The following NXPH4 variants were observed in gnomAD, a reference collection of about 807,000 sequenced individuals.
The protein encoded by NXPH4 is neurexophilin 4, also known as neurexophilin-4.
Under a neutral mutation model 21.3 loss-of-function variants are expected in NXPH4, and 8 were observed. That is an observed-to-expected ratio of 0.38 (90% CI 0.22 to 0.68). The LOEUF (loss-of-function observed/expected upper bound fraction) is 0.68, where lower values mean the gene tolerates loss of function less well. Among genes scored for constraint, NXPH4 ranks in the 30% least tolerant of loss-of-function variants. NXPH4 has a pLI of 0.53. For missense variants in NXPH4, 418 were observed against 416.8 expected (o/e 1.00, Z -0.03); for synonymous variants, 219 against 192.6 (o/e 1.14, Z -1.13).
In NXPH4 at chr12:57,225,723, G is replaced by A; in HGVS notation, c.903G>A (p.Gln301=). 4.3e-6 allele frequency: 7 copies of A among 1,613,158 alleles called. No individual in the cohort carries two copies. Among genetic ancestry groups the A allele is most frequent in the Non-Finnish European group, 5.9e-6 (7 of 1,179,578 alleles). The change falls in exon 2 of 2, where the codon CAG becomes CAA. Residue 301 remains glutamine (Q), a synonymous_variant. Coordinates refer to ENST00000349394, the MANE Select transcript of NXPH4 (RefSeq NM_007224.4). The stretch of plus-strand genomic sequence containing the variant: ...AGGTGTGCCCAGACTATAACTTCCA[G>A]AGTGAGCACCCCTACTTCGGATAGC... ...VQKVCPDYNF[Q]SEHPYFG is the part of the protein sequence containing the mutation.
chr12:57,220,161 G>A (rs1369506273), intron 1 of NXPH4, among the ~76,000 whole-genome samples: 1 of 152,164 alleles, frequency 6.6e-6, no homozygotes, highest in Non-Finnish European at 1.5e-5. Flanking sequence ...GCGTGGGGTG[G>A]GAAGCAGCTG....
At chr12:57,218,940 G>C (rs2136766566) in intron 1 of NXPH4, among the ~76,000 whole-genome samples, 1 of 151,266 alleles carries the variant, frequency 6.6e-6, no homozygotes, top group East Asian at 2.0e-4. Flanking sequence ...CCCATGTGTT[G>C]TCTGTATGAG....
Position 57,225,145 on chromosome 12 carries a change from G to A in NXPH4, c.325G>A (p.Gly109Arg). 2.5e-6 allele frequency: 4 copies of A among 1,569,476 alleles called. No homozygotes were observed. Among genetic ancestry groups the A allele is most frequent in the Non-Finnish European group, 3.5e-6 (4 of 1,157,984 alleles). ...GCGCGCCAAAAAGATCTTCGGCTGG[G>A]GGGACTTCTACTTTCGGGTGCATAC... is the stretch of plus-strand genomic sequence containing the variant. ...AARAKKIFGW[G>R]DFYFRVHTLK... The change falls in exon 2 of 2, where the codon GGG becomes AGG. Residue 109 changes from glycine to arginine, a missense_variant. Transcript: ENST00000349394.
chr12:57,217,057 G>A (rs1032782758), intron 1 of NXPH4, 31 bp downstream of exon 1: 2 of 1,573,686 alleles, frequency 1.3e-6, no homozygotes, highest in Non-Finnish European at 1.7e-6. Flanking sequence ...GCGCTAGCGC[G>A]GGCGCGGGGT....
intron 1 of NXPH4, among the ~76,000 whole-genome samples, chr12:57,220,316 G>T (rs942726661): frequency 5.3e-5 from 8 of 152,270 alleles, no homozygotes; most frequent in African/African-American, 1.4e-4. Context: ...TCCCCGCTCC[G>T]CGGCTCCCCC....
At chr12:57,223,934 C>T (rs571473190) in intron 1 of NXPH4, among the ~76,000 whole-genome samples, 5 of 152,292 alleles carry the variant, frequency 3.3e-5, no homozygotes, top group African/African-American at 4.8e-5. Flanking sequence ...AGGAAAAGAA[C>T]GGCCAGGCGG....
At chr12:57,221,264 C>G (rs982929977) in intron 1 of NXPH4, 1 of 445,714 alleles carries the variant, frequency 2.2e-6, no homozygotes, top group Non-Finnish European at 4.6e-6. Flanking sequence ...CTGCCTCTTT[C>G]TAGGTGCAGG....
intron 1 of NXPH4, among the ~76,000 whole-genome samples, chr12:57,220,955 C>T (rs1453995993): frequency 6.6e-6 from 1 of 151,710 alleles, no homozygotes; most frequent in Non-Finnish European, 1.5e-5. Flanking sequence ...CATGCTGCTT[C>T]CTGGACTGTT....
rs151320018 is a variant in NXPH4, at chr12:57,225,361, G to C, written c.541G>C (p.Ala181Pro). 32 of 1,584,418 alleles carry C rather than the reference G, an allele frequency of 2.0e-5. No homozygotes were observed. Among genetic ancestry groups the C allele is most frequent in the Non-Finnish European group, 2.6e-5 (30 of 1,168,978 alleles). The change falls in exon 2 of 2, where the codon GCC becomes CCC. Residue 181 changes from alanine to proline, a missense_variant. Coordinates refer to ENST00000349394, the MANE Select transcript of NXPH4 (RefSeq NM_007224.4). ...CCCCCACCCTCTGCAGTCTACGCTC[G>C]CCCTGGAGGGGGTGCTTCCTGGGCT... ...PVPHPLQSTL[A>P]LEGVLPGLGP...
chr12:57,221,194 T>C, intron 1 of NXPH4: 1 of 381,404 alleles, frequency 2.6e-6, no homozygotes, highest in Non-Finnish European at 5.5e-6. Flanking sequence ...ACCTCTCTCC[T>C]CACCCACATC....
rs1427924837 is a variant in NXPH4 at position 57,217,046 on chromosome 12, G to A, written c.57+20G>A. 1.3e-6 allele frequency: 2 copies of A among 1,588,642 alleles called. No homozygotes were observed. The highest frequency in any genetic ancestry group is 1.7e-6 in the Non-Finnish European group (2 of 1,168,234). On this transcript the variant is annotated intron_variant, in intron 1 of 1. Transcript: ENST00000349394. ...AGGAAGGTAAGAGTGGCAGGGCTGG[G>A]GCGCTAGCGCGGGCGCGGGGTTCCG...
rs2136771199 is a variant in NXPH4, at chr12:57,223,295, A to G, written c.58-1583A>G. Among the ~76,000 whole-genome samples the G allele has an allele frequency of 1.3e-5, 2 of 152,198 alleles. 1 individual carries two copies. The highest frequency in any genetic ancestry group is 4.2e-4 in the South Asian group (2 of 4,818). Reference sequence around the variant, plus strand: ...CCCTCAGACCGCTATACACAGCCATATAGCCAACCCAGACACGTAACCACA... The same window carrying G: ...CCCTCAGACCGCTATACACAGCCATGTAGCCAACCCAGACACGTAACCACA... On this transcript the variant is annotated intron_variant, in intron 1 of 1. Transcript: ENST00000349394.
rs2037042605 is a variant in NXPH4, at chr12:57,216,852, CCGCCG to C, written c.-116_-112del. 1.0e-5 allele frequency: 5 copies of C among 490,916 alleles called. 1 individual carries two copies. Among genetic ancestry groups the C allele is most frequent in the Admixed American group, 6.5e-5 (1 of 15,344 alleles). The allele number at this position is 490,916 out of a possible 1,614,324, so 30.4% of individuals were successfully genotyped here. A position where few individuals can be genotyped will look rare whatever the true frequency, so the allele number is the denominator to read the frequency against. On this transcript the variant is annotated 5_prime_UTR_variant, in exon 1 of 2. Transcript: ENST00000349394. The surrounding 1 kb of genome is among the most constrained non-coding windows in gnomAD (Gnocchi z 5.3). ...GGCCGCGCCGCCGCTCCCGCCGCTC[CCGCCG>C]CTCCCGCCGCTCCCGCAGCCGCCCC... is the stretch of plus-strand genomic sequence containing the variant.
rs774346877 is a variant in NXPH4, at chr12:57,225,708, A to C, written c.888A>C (p.Pro296=). The C allele has an allele frequency of 3.0e-5, 49 of 1,613,758 alleles. No individual in the cohort carries two copies. Among genetic ancestry groups the C allele is most frequent in the African/African-American group, 4.0e-5 (3 of 74,994 alleles). Residue 296 remains proline (P), a synonymous_variant, in exon 2 of 2, where the codon CCA becomes CCC. Transcript: ENST00000349394. ...FDYKLVQKVC[P]DYNFQSEHPY... The stretch of plus-strand genomic sequence containing the variant: ...ACAAACTGGTGCAGAAGGTGTGCCC[A>C]GACTATAACTTCCAGAGTGAGCACC...
chr12:57,223,755 C>T (rs959700600), intron 1 of NXPH4, among the ~76,000 whole-genome samples: 4 of 152,248 alleles, frequency 2.6e-5, no homozygotes, highest in African/African-American at 9.6e-5. Context: ...CTCCTGGCCA[C>T]CCCCACTCAC....
intron 1 of NXPH4, 56 bp downstream of exon 1, chr12:57,217,082 G>C: frequency 6.7e-7 from 1 of 1,484,552 alleles, no homozygotes; most frequent in Non-Finnish European, 9.2e-7. Context: ...GGACGCGAAG[G>C]TCCCAGTGTG....
intron 1 of NXPH4, among the ~76,000 whole-genome samples, chr12:57,219,458 CACTAATT>C (rs1391039823): frequency 6.6e-6 from 1 of 152,210 alleles, no homozygotes; most frequent in East Asian, 1.9e-4. Context: ...AATCACTAAT[CACTAATT>C]ACTAATTAGC....
chr12:57,223,088 T>G (rs936767795), intron 1 of NXPH4, among the ~76,000 whole-genome samples: 1 of 151,672 alleles, frequency 6.6e-6, no homozygotes, highest in East Asian at 1.9e-4. Context: ...GTAGGACACC[T>G]CCCCAGAGAC....
intron 1 of NXPH4, among the ~76,000 whole-genome samples, chr12:57,220,241 C>G (rs1283828198): frequency 6.6e-6 from 1 of 152,132 alleles, no homozygotes; most frequent in Non-Finnish European, 1.5e-5. Context: ...CCCTCTCCCC[C>G]GCCTGCCCCT....
Sources: gnomAD v4.1 joint callset for allele counts (sites outside exome capture counted in the v4.1 genomes callset) on GRCh38, gnomAD v4.1.1 for gene constraint, Gnocchi (gnomAD v3.1) non-coding constraint, MANE v1.5 for transcripts, NCBI Gene and HGNC (gene_info 2026-07-23, HGNC 2026-07-21) for gene names.